ERCC6L2: variants seen among roughly 807,000 people sequenced by gnomAD.
The protein encoded by ERCC6L2 is DNA excision repair protein ERCC-6-like 2.
A neutral mutation model predicts 132.0 loss-of-function variants in ERCC6L2; 77 were observed. The ratio of observed to expected loss-of-function variants is 0.58; its 90% confidence interval spans 0.49 to 0.71. The LOEUF is 0.71. Among genes scored for constraint, ERCC6L2 ranks in the 30% least tolerant of loss-of-function variants. The probability of loss-of-function intolerance (pLI) is 0.00; values close to 1 mark genes in which losing one functional copy is unlikely to be tolerated. For synonymous variants in ERCC6L2, 583 were observed against 632.4 expected (o/e 0.92, Z 1.17); for missense variants, 1,542 against 1,837.6 (o/e 0.84, Z 2.94).
intron 17 of ERCC6L2, among the ~76,000 whole-genome samples, chr9:95,983,026 G>T (rs1356924338): frequency 1.3e-5 from 2 of 152,060 alleles, no homozygotes; most frequent in Non-Finnish European, 2.9e-5. Context: ...TGCAAGAAAG[G>T]CATTGAAATT....
At chr9:95,909,461 C>G (rs570130659) in intron 4 of ERCC6L2, among the ~76,000 whole-genome samples, 96 of 152,236 alleles carry the variant, frequency 6.3e-4, no homozygotes, top group African/African-American at 2.3e-3. Context: ...AGTGGCTTTT[C>G]CTCAACCCTC....
Position 95,875,985 on chromosome 9 carries a change from C to T in ERCC6L2, c.-54C>T. ...TGCCGGCCAGCCACCTTGCTGTCCT[C>T]CGCCGCCTTCCGGGTGTTACATGCA... On this transcript the variant is annotated 5_prime_UTR_variant, in exon 1 of 19. Coordinates refer to ENST00000653738, the MANE Select transcript of ERCC6L2 (RefSeq NM_020207.7). 1 of 1,551,488 alleles carries T rather than the reference C, an allele frequency of 6.4e-7. No homozygotes were observed. Among genetic ancestry groups the T allele is most frequent in the Non-Finnish European group, 8.7e-7 (1 of 1,147,852 alleles).
At position 95,955,906 on chromosome 9, in the gene ERCC6L2, T is replaced by C. The variant is rs1381720772; in HGVS notation, c.1848-8T>C. 21 of 1,546,162 alleles carry C rather than the reference T, an allele frequency of 1.4e-5. No homozygotes were observed. Among genetic ancestry groups the C allele is most frequent in the Non-Finnish European group, 1.8e-5 (21 of 1,145,700 alleles). ...TGATTTTTGTTTGTATTTTTAATCCTTTTACAGAGCATATAGGATTGGACA... is the reference window on the plus strand; with the variant it reads ...TGATTTTTGTTTGTATTTTTAATCCCTTTACAGAGCATATAGGATTGGACA... On this transcript the variant is annotated splice_polypyrimidine_tract_variant and splice_region_variant and intron_variant, in intron 12 of 18. Transcript: ENST00000653738.
At chr9:96,037,033 T>C (rs915945763) in intron 19 of ERCC6L2, among the ~76,000 whole-genome samples, 2 of 152,154 alleles carry the variant, frequency 1.3e-5, no homozygotes, top group Non-Finnish European at 2.9e-5. Flanking sequence ...CCCAAAGTGC[T>C]GGGATTACAG....
At chr9:95,971,184 CTTG>C (rs1341564427) in intron 15 of ERCC6L2, among the ~76,000 whole-genome samples, 2 of 151,796 alleles carry the variant, frequency 1.3e-5, no homozygotes, top group East Asian at 3.9e-4. Flanking sequence ...CTGGTTTTTT[CTTG>C]TTTGTTTTTA....
chr9:96,030,772 C>A (rs1267668188), intron 19 of ERCC6L2, among the ~76,000 whole-genome samples: 2 of 151,948 alleles, frequency 1.3e-5, no homozygotes, highest in African/African-American at 2.4e-5. Flanking sequence ...CACGAACCCA[C>A]CGGAAGGAAC....
At position 96,014,539 on chromosome 9, in the gene ERCC6L2, G is replaced by C. The variant is rs900168110; in HGVS notation, c.*1336G>C. ...CATATGTGTTCGTACATATATGATT[G>C]GAATAAAATGTTTATGAAATATTTA... On this transcript the variant is annotated 3_prime_UTR_variant, in exon 19 of 19. Coordinates refer to ENST00000653738, the MANE Select transcript of ERCC6L2 (RefSeq NM_020207.7). 6.6e-5 allele frequency: 10 copies of C among 152,148 alleles called. No homozygotes were observed. Among genetic ancestry groups the C allele is most frequent in the Admixed American group, 2.0e-4 (3 of 15,278 alleles). The allele number at this position is 152,148 out of a possible 1,614,324, so 9.4% of individuals were successfully genotyped here. A position where few individuals can be genotyped will look rare whatever the true frequency, so the allele number is the denominator to read the frequency against.
At chr9:95,950,424 T>G (rs1467624385) in intron 12 of ERCC6L2, among the ~76,000 whole-genome samples, 9 of 152,020 alleles carry the variant, frequency 5.9e-5, no homozygotes, top group African/African-American at 2.2e-4. Context: ...ATGGAGGAAT[T>G]TAGGGGCAAA....
chr9:95,956,447 T>A (rs1267242497), intron 13 of ERCC6L2, among the ~76,000 whole-genome samples: 1 of 152,202 alleles, frequency 6.6e-6, no homozygotes, highest in Non-Finnish European at 1.5e-5. Context: ...ACTGATATGT[T>A]GGTCCCACAG....
At chr9:95,984,694 C>T (rs1417604895) in intron 17 of ERCC6L2, among the ~76,000 whole-genome samples, 1 of 152,108 alleles carries the variant, frequency 6.6e-6, no homozygotes, top group Non-Finnish European at 1.5e-5. Context: ...ATGTCTGATT[C>T]ATCTTTGATA....
chr9:95,966,164 A>T (rs573119778), intron 13 of ERCC6L2, among the ~76,000 whole-genome samples: 2 of 152,312 alleles, frequency 1.3e-5, no homozygotes, highest in African/African-American at 2.4e-5. Context: ...ATTACTTTAG[A>T]TTGTAATTTA....
downstream of ERCC6L2, chr9:96,020,334 CAG>C (rs558564989): frequency 2.6e-3 from 465 of 181,866 alleles, no homozygotes; most frequent in African/African-American, 0.011. Context: ...CAAACCATAT[CAG>C]GGGGCCAGGC....
chr9:95,922,017 C>T (rs1829889733), intron 7 of ERCC6L2, among the ~76,000 whole-genome samples: 1 of 152,132 alleles, frequency 6.6e-6, no homozygotes, highest in African/African-American at 2.4e-5. Context: ...TACCAGGCAC[C>T]TCGTAACAGC....
chr9:96,020,590 A>C (rs1834269428), downstream of ERCC6L2: 3 of 364,104 alleles, frequency 8.2e-6, no homozygotes, highest in Middle Eastern at 8.6e-4. Flanking sequence ...GCAGGTCTCA[A>C]GAAGCTTAGA....
chr9:96,020,200 C>T (rs929379773), downstream of ERCC6L2: 2 of 156,126 alleles, frequency 1.3e-5, no homozygotes, highest in African/African-American at 2.4e-5. Context: ...ATCTTGTGAA[C>T]TCACTGTCAC....
intron 19 of ERCC6L2, among the ~76,000 whole-genome samples, chr9:96,025,332 G>T (rs145388571): frequency 0.014 from 2,062 of 152,292 alleles, 46 homozygotes; most frequent in African/African-American, 0.046. Flanking sequence ...GGTCCAGCTC[G>T]CCTGGTGCTT....
intron 3 of ERCC6L2, among the ~76,000 whole-genome samples, chr9:95,903,298 C>T (rs1243366916): frequency 6.6e-6 from 1 of 151,974 alleles, no homozygotes; most frequent in Non-Finnish European, 1.5e-5. Flanking sequence ...ATTATTCTGT[C>T]CTAATTATTT....
intron 17 of ERCC6L2, among the ~76,000 whole-genome samples, chr9:95,997,028 T>C (rs746534764): frequency 5.3e-5 from 8 of 151,904 alleles, no homozygotes; most frequent in Admixed American, 1.3e-4. Context: ...AAACCAGGAG[T>C]TCAAGGCCAG....
At chr9:95,891,965 G>A (rs1295533245) in intron 2 of ERCC6L2, among the ~76,000 whole-genome samples, 1 of 151,884 alleles carries the variant, frequency 6.6e-6, no homozygotes, top group Non-Finnish European at 1.5e-5. Flanking sequence ...TATATGATTT[G>A]CAAATATTTT....
Sources: allele counts gnomAD v4.1 joint callset (sites outside exome capture counted in the v4.1 genomes callset), GRCh38; gene constraint gnomAD v4.1.1; transcripts MANE v1.5; gene names NCBI Gene and HGNC (gene_info 2026-07-23, HGNC 2026-07-21).